Variants in ARHGAP12 observed in about 807,000 individuals in gnomAD.
ARHGAP12 encodes Rho GTPase activating protein 12.
In ARHGAP12, 64 loss-of-function variants were observed where a neutral mutation model predicts 108.6. The observed-to-expected ratio is 0.59, with a 90% CI of 0.48 to 0.73. ARHGAP12 has a LOEUF of 0.73. Ranked by LOEUF, ARHGAP12 falls within the 30% of genes least tolerant of loss-of-function variation. The probability of loss-of-function intolerance (pLI) is 0.00; values close to 1 mark genes in which losing one functional copy is unlikely to be tolerated. For synonymous variants in ARHGAP12, 312 were observed against 337.2 expected (o/e 0.93, Z 0.82); for missense variants, 940 against 1,005.9 (o/e 0.93, Z 0.89).
intron 3 of ARHGAP12, among the ~76,000 whole-genome samples, chr10:31,876,816 C>T (rs920494845): frequency 4.6e-5 from 7 of 152,138 alleles, no homozygotes; most frequent in African/African-American, 1.4e-4. Flanking sequence ...TAGTTAAAAC[C>T]GCAGTTTGTT....
intron 4 of ARHGAP12, among the ~76,000 whole-genome samples, chr10:31,857,594 C>A (rs1488543774): frequency 6.6e-6 from 1 of 152,052 alleles, no homozygotes; most frequent in Non-Finnish European, 1.5e-5. Flanking sequence ...CTCAACAAAG[C>A]CCTCGCAGAA....
intron 14 of ARHGAP12, among the ~76,000 whole-genome samples, chr10:31,813,117 C>A (rs1325527893): frequency 6.6e-6 from 1 of 152,096 alleles, no homozygotes; most frequent in Non-Finnish European, 1.5e-5. Flanking sequence ...CTAACATATT[C>A]TTTATTTCAT....
At chr10:31,905,755 G>A (rs1369970132) in intron 3 of ARHGAP12, among the ~76,000 whole-genome samples, 1 of 152,028 alleles carries the variant, frequency 6.6e-6, no homozygotes. Context: ...TGAGGAGAAT[G>A]TTCTTTGATT....
intron 1 of ARHGAP12, among the ~76,000 whole-genome samples, chr10:31,916,168 C>A (rs1279546841): frequency 6.6e-6 from 1 of 152,100 alleles, no homozygotes; most frequent in Non-Finnish European, 1.5e-5. Context: ...CATATTCATC[C>A]CAAACACTTA....
chr10:31,867,843 T>G (rs1003684326), intron 3 of ARHGAP12, among the ~76,000 whole-genome samples: 1 of 151,338 alleles, frequency 6.6e-6, no homozygotes, highest in Non-Finnish European at 1.5e-5. Context: ...AAATCATGAC[T>G]CAACAGATGA....
At chr10:31,852,811 A>C (rs950335138) in intron 5 of ARHGAP12, among the ~76,000 whole-genome samples, 1 of 132,840 alleles carries the variant, frequency 7.5e-6, no homozygotes, top group East Asian at 2.2e-4. Context: ...TCCACCTCCC[A>C]GGTTCAAGCA....
chr10:31,920,700 T>C (rs1392954553), intron 1 of ARHGAP12, among the ~76,000 whole-genome samples: 4 of 152,078 alleles, frequency 2.6e-5, no homozygotes, highest in African/African-American at 2.4e-5. Context: ...AAAAAGACAA[T>C]AACAGTGCTG....
chr10:31,806,319 T>TA lies in ARHGAP12; in HGVS notation c.*1338dup, dbSNP rs1257941975. The TA allele has an allele frequency of 6.6e-6, 1 of 152,620 alleles. No individual in the cohort carries two copies. Among genetic ancestry groups the TA allele is most frequent in the African/African-American group, 2.4e-5 (1 of 41,468 alleles). 9.5% of individuals were successfully genotyped at this position (152,620 alleles called of 1,614,324 possible). On this transcript the variant is annotated 3_prime_UTR_variant, in exon 20 of 20. Transcript: ENST00000344936. The stretch of plus-strand genomic sequence containing the variant: ...CCAATGGAAAAATCTCTAAACCTCT[T>TA]ATAGTTTTATTAGACATTTCATGTA...
intron 11 of ARHGAP12, among the ~76,000 whole-genome samples, chr10:31,824,205 A>G (rs1835515102): frequency 6.6e-6 from 1 of 152,172 alleles, no homozygotes; most frequent in Admixed American, 6.5e-5. Context: ...ATAAAATACA[A>G]ATTAAGAATT....
intron 3 of ARHGAP12, among the ~76,000 whole-genome samples, chr10:31,865,813 G>C (rs944812782): frequency 6.6e-6 from 1 of 151,458 alleles, no homozygotes; most frequent in African/African-American, 2.4e-5. Flanking sequence ...AGGAGGCAGA[G>C]CTTGCAGTGA....
At chr10:31,826,068 C>T (rs1835593690) in intron 11 of ARHGAP12, among the ~76,000 whole-genome samples, 1 of 152,176 alleles carries the variant, frequency 6.6e-6, no homozygotes, top group Non-Finnish European at 1.5e-5. Context: ...GCCCACTTTT[C>T]AGTTGAATGG....
At chr10:31,900,149 A>G (rs911380486) in intron 3 of ARHGAP12, among the ~76,000 whole-genome samples, 2 of 152,234 alleles carry the variant, frequency 1.3e-5, no homozygotes, top group East Asian at 1.9e-4. Context: ...TAGGAAATAC[A>G]AACTAAAACA....
In ARHGAP12 at chr10:31,873,783, T is replaced by C. The variant is rs553693271; in HGVS notation, c.685-12125A>G. ...AAATGTGATAGCTGCTAGAAACTTA[T>C]TGATGAAACCTCATTATTAATTTGT... On this transcript the variant is annotated intron_variant, in intron 3 of 19. Coordinates refer to ENST00000344936, the MANE Select transcript of ARHGAP12 (RefSeq NM_018287.7). Among the ~76,000 whole-genome samples, 18 of 152,388 alleles carry C rather than the reference T, an allele frequency of 1.2e-4. No individual in the cohort carries two copies. The South Asian group carries it at 3.5e-3, about 30-fold the overall frequency.
At chr10:31,894,756 TTCA>T (rs1838607033) in intron 3 of ARHGAP12, among the ~76,000 whole-genome samples, 1 of 152,034 alleles carries the variant, frequency 6.6e-6, no homozygotes, top group African/African-American at 2.4e-5. Context: ...TACTTTAAAG[TTCA>T]TATGGAACCA....
At chr10:31,812,161 C>T (rs1050096311) in intron 15 of ARHGAP12, among the ~76,000 whole-genome samples, 4 of 151,604 alleles carry the variant, frequency 2.6e-5, no homozygotes, top group East Asian at 1.9e-4. Context: ...TAAACACGCT[C>T]GTAAGAACTA....
In ARHGAP12 at chr10:31,850,047, C is replaced by A. The variant is rs1836614278; in HGVS notation, c.1170+2470G>T. On this transcript the variant is annotated intron_variant, in intron 6 of 19. Coordinates refer to ENST00000344936, the MANE Select transcript of ARHGAP12 (RefSeq NM_018287.7). ...CTCTCTCCCTTCAAAGGACCCTGACCTGGGACAAATCACTCAAAAGCAGCC... is the reference window on the plus strand; with the variant it reads ...CTCTCTCCCTTCAAAGGACCCTGACATGGGACAAATCACTCAAAAGCAGCC... 1.3e-5 allele frequency among the ~76,000 whole-genome samples: 2 copies of A among 152,144 alleles called. 1 individual carries two copies. The highest frequency in any genetic ancestry group is 4.1e-4 in the South Asian group (2 of 4,822).
chr10:31,853,136 A>G (rs1836762285), intron 5 of ARHGAP12, among the ~76,000 whole-genome samples: 1 of 152,162 alleles, frequency 6.6e-6, no homozygotes, highest in African/African-American at 2.4e-5. Context: ...TCTATCCTCC[A>G]ATGTCTGGCT....
intron 3 of ARHGAP12, among the ~76,000 whole-genome samples, chr10:31,891,195 A>C (rs1372305254): frequency 6.6e-6 from 1 of 152,208 alleles, no homozygotes; most frequent in Non-Finnish European, 1.5e-5. Context: ...AAATCAATGT[A>C]AGATTAGGCT....
chr10:31,910,679 GGA>G (rs1225431329), intron 1 of ARHGAP12, 116 bp from the exon 2 acceptor site: 1 of 152,228 alleles, frequency 6.6e-6, no homozygotes, highest in Non-Finnish European at 1.5e-5. Flanking sequence ...TAAGGAATCA[GGA>G]AAGTTTTATA....
Sources: gnomAD v4.1 joint callset for allele counts (sites outside exome capture counted in the v4.1 genomes callset) on GRCh38, gnomAD v4.1.1 for gene constraint, MANE v1.5 for transcripts, NCBI Gene and HGNC (gene_info 2026-07-23, HGNC 2026-07-21) for gene names.